The following IFRD1 variants were observed in gnomAD, a reference collection of about 807,000 sequenced individuals.
IFRD1 encodes the protein interferon related developmental regulator 1.
IFRD1 carries 35 observed loss-of-function variants against 52.9 expected under a neutral mutation model. The observed-to-expected ratio is 0.66, with a 90% CI of 0.51 to 0.88. IFRD1 has a LOEUF of 0.88. Ranked by LOEUF, IFRD1 falls within the 40% of genes least tolerant of loss-of-function variation. The pLI, the probability that IFRD1 is intolerant of heterozygous loss-of-function variation, is 0.00. For synonymous variants in IFRD1, 184 were observed against 188.4 expected (o/e 0.98, Z 0.19); for missense variants, 517 against 550.8 (o/e 0.94, Z 0.61).
At chr7:112,428,347 G>A (rs1466542334) in intron 1 of IFRD1, among the ~76,000 whole-genome samples, 1 of 152,174 alleles carries the variant, frequency 6.6e-6, no homozygotes, top group Non-Finnish European at 1.5e-5. Context: ...TATTCTGAGC[G>A]GCTGGGTGAA....
chr7:112,454,338 G>T (rs571837115), intron 1 of IFRD1, among the ~76,000 whole-genome samples: 1 of 152,032 alleles, frequency 6.6e-6, no homozygotes, highest in African/African-American at 2.4e-5. Flanking sequence ...GATTACAAGC[G>T]CCTGCCACCA....
At position 112,464,910 on chromosome 7, in the gene IFRD1, A is replaced by G. The variant is rs572566949; in HGVS notation, c.906+2532A>G. On this transcript the variant is annotated intron_variant, in intron 8 of 11. Transcript: ENST00000403825. ...CCAAATCTGAAATCACCTAGATTTT[A>G]TACTTCAGAAGCAGCAACTTAGCAT... Among the ~76,000 whole-genome samples, 3 of 152,352 alleles carry G rather than the reference A, an allele frequency of 2.0e-5. No individual in the cohort carries two copies. In the South Asian group the frequency reaches 6.2e-4, roughly 32 times the overall value.
At chr7:112,467,925 TGAGGTCA>T (rs141534327) in intron 8 of IFRD1, 49 bp from the exon 9 acceptor site, 3 of 1,512,986 alleles carry the variant, frequency 2.0e-6, no homozygotes, top group South Asian at 1.1e-5. Flanking sequence ...TAGCTCTATA[TGAGGTCA>T]GAAAAGAAAA....
intron 1 of IFRD1, among the ~76,000 whole-genome samples, chr7:112,430,847 G>A (rs1794531419): frequency 6.6e-6 from 1 of 152,256 alleles, no homozygotes; most frequent in South Asian, 2.1e-4. Context: ...TACAGCCTGG[G>A]GCCTGATGTA....
At chr7:112,451,656 C>G (rs1054221840) in intron 1 of IFRD1, among the ~76,000 whole-genome samples, 3 of 152,086 alleles carry the variant, frequency 2.0e-5, no homozygotes, top group African/African-American at 7.2e-5. Flanking sequence ...TGGTTTTCTA[C>G]TTATTATATG....
chr7:112,467,896 A>G (rs1795651024), intron 8 of IFRD1, 85 bp from the exon 9 acceptor site: 1 of 1,285,770 alleles, frequency 7.8e-7, no homozygotes, highest in Non-Finnish European at 1.1e-6. Context: ...ATATTTTCCA[A>G]ATGTAGACTG....
At chr7:112,434,518 A>G (rs1794624651) in intron 1 of IFRD1, among the ~76,000 whole-genome samples, 1 of 152,246 alleles carries the variant, frequency 6.6e-6, no homozygotes, top group South Asian at 2.1e-4. Flanking sequence ...CACATTTTTA[A>G]TATGTCTACT....
chr7:112,455,562 T>C (rs1449681864), intron 1 of IFRD1, among the ~76,000 whole-genome samples: 2 of 152,180 alleles, frequency 1.3e-5, no homozygotes, highest in African/African-American at 2.4e-5. Flanking sequence ...TGATGTATCA[T>C]TGGTCCTTTG....
In IFRD1 at chr7:112,438,408, AG is replaced by A. The variant is rs570438438; in HGVS notation, c.-181-12095del. Among the ~76,000 whole-genome samples, 74 of 152,320 alleles carry A rather than the reference AG, an allele frequency of 4.9e-4. No homozygotes were observed. The East Asian group carries it at 0.014, about 29-fold the overall frequency. ...TGCATACCTTTGAGGAGAAAAATAC[AG>A]GGGGTGAGGAGAGAGGTAGATCAAG... On this transcript the variant is annotated intron_variant, in intron 1 of 12. Transcript: ENST00000005558.
In IFRD1 at chr7:112,475,867, C is replaced by G. The variant is rs1795888558; in HGVS notation, c.*348C>G. The stretch of plus-strand genomic sequence containing the variant: ...GATTTACTATAATGATATATACATG[C>G]AAGATATTTAACTTAATATCTTAGA... On this transcript the variant is annotated 3_prime_UTR_variant, in exon 12 of 12. Transcript: ENST00000403825. The G allele has an allele frequency of 5.1e-6, 1 of 196,154 alleles. No homozygotes were observed. Among genetic ancestry groups the G allele is most frequent in the African/African-American group, 2.4e-5 (1 of 42,048 alleles). The allele number at this position is 196,154 out of a possible 1,614,324, so 12.2% of individuals were successfully genotyped here.
intron 1 of IFRD1, among the ~76,000 whole-genome samples, chr7:112,453,630 C>G (rs1795218625): frequency 2.0e-5 from 3 of 152,100 alleles, no homozygotes; most frequent in Admixed American, 6.5e-5. Flanking sequence ...CATCTGTTGC[C>G]ATTACTTCAG....
chr7:112,440,111 G>C (rs558235026), intron 1 of IFRD1, among the ~76,000 whole-genome samples: 59 of 152,152 alleles, frequency 3.9e-4, no homozygotes, highest in African/African-American at 1.4e-3. Flanking sequence ...TCAGCCTCCA[G>C]AGTAGCTGGG....
chr7:112,454,283 A>C (rs1375306256), intron 1 of IFRD1, among the ~76,000 whole-genome samples: 1 of 151,768 alleles, frequency 6.6e-6, no homozygotes, highest in Non-Finnish European at 1.5e-5. Context: ...AGTCTGTGCC[A>C]CCTGGGTTCA....
At chr7:112,450,450 C>T (rs964905368), upstream of IFRD1, 8 of 567,896 alleles carry the variant, frequency 1.4e-5, no homozygotes, top group East Asian at 9.0e-5. Context: ...GTCGTGGCCT[C>T]CCCTGCCCCG....
rs1214120234 is a variant in IFRD1 at position 112,477,190 on chromosome 7, G to A, written c.*1671G>A. On this transcript the variant is annotated 3_prime_UTR_variant, in exon 12 of 12. Transcript: ENST00000403825. ...ATAAATAATGAATTTTTATTAAAGT[G>A]TTGTATGAACATAGGTTTTTGTTTG... 6.6e-6 allele frequency: 1 copy of A among 152,160 alleles called. No homozygotes were observed. The highest frequency in any genetic ancestry group is 2.4e-5 in the African/African-American group (1 of 41,424). 9.4% of individuals were successfully genotyped at this position (152,160 alleles called of 1,614,324 possible). A position where few individuals can be genotyped will look rare whatever the true frequency, so the allele number is the denominator to read the frequency against.
In IFRD1 at chr7:112,476,665, G is replaced by A. The variant is rs937313647; in HGVS notation, c.*1146G>A. 1 of 152,076 alleles carries A rather than the reference G, an allele frequency of 6.6e-6. No homozygotes were observed. The highest frequency in any genetic ancestry group is 2.4e-5 in the African/African-American group (1 of 41,410). 9.4% of individuals were successfully genotyped at this position (152,076 alleles called of 1,614,324 possible). ...CTTGTCTCAAAAGCAAAACAAAAAAGAATATTGCTGCTTGTTTGCCCATGA... is the reference window on the plus strand; with the variant it reads ...CTTGTCTCAAAAGCAAAACAAAAAAAAATATTGCTGCTTGTTTGCCCATGA... On this transcript the variant is annotated 3_prime_UTR_variant, in exon 12 of 12. Coordinates refer to ENST00000403825, the MANE Select transcript of IFRD1 (RefSeq NM_001550.4).
In IFRD1 at chr7:112,472,813, G is replaced by A; in HGVS notation, c.1218G>A (p.Met406Ile). The change falls in exon 11 of 12, where the codon ATG becomes ATA. Residue 406 changes from methionine (M) to isoleucine (I), a missense_variant. Met to Ile is a conservative substitution (Grantham distance 10). Coordinates refer to ENST00000403825, the MANE Select transcript of IFRD1 (RefSeq NM_001550.4). ...TATTTGAACTTGGACCCCCAGTGAT[G>A]CTTGATGCTGCAACGCTTAAAACGA... ...RNVFELGPPVMLDAATLKTMK... is the reference protein window; with the variant it reads ...RNVFELGPPVILDAATLKTMK... 1 of 1,613,670 alleles carries A rather than the reference G, an allele frequency of 6.2e-7. No individual in the cohort carries two copies. Among genetic ancestry groups the A allele is most frequent in the Non-Finnish European group, 8.5e-7 (1 of 1,179,578 alleles).
At position 112,476,155 on chromosome 7, in the gene IFRD1, A is replaced by AT. The variant is rs933468733; in HGVS notation, c.*640dup. On this transcript the variant is annotated 3_prime_UTR_variant, in exon 12 of 12. Coordinates refer to ENST00000403825, the MANE Select transcript of IFRD1 (RefSeq NM_001550.4). Reference sequence around the variant, plus strand: ...TTATCTGCTGTATGAGACTTTGTGCATTTTACTTTGAAATAAAGATTTTTT... The same window carrying AT: ...TTATCTGCTGTATGAGACTTTGTGCATTTTTACTTTGAAATAAAGATTTTTT... 3.0e-4 allele frequency: 46 copies of AT among 152,316 alleles called. No homozygotes were observed. Among genetic ancestry groups the AT allele is most frequent in the African/African-American group, 1.1e-3 (46 of 41,562 alleles). 9.4% of individuals were successfully genotyped at this position (152,316 alleles called of 1,614,324 possible). A position where few individuals can be genotyped will look rare whatever the true frequency, so the allele number is the denominator to read the frequency against.
upstream of IFRD1, among the ~76,000 whole-genome samples, chr7:112,448,835 A>C (rs1795086295): frequency 6.6e-6 from 1 of 152,228 alleles, no homozygotes; most frequent in African/African-American, 2.4e-5. Flanking sequence ...ACGGTGGATA[A>C]AATTTCTTAA....
Sources: gnomAD v4.1 joint callset for allele counts (sites outside exome capture counted in the v4.1 genomes callset) on GRCh38, gnomAD v4.1.1 for gene constraint, MANE v1.5 for transcripts, NCBI Gene and HGNC (gene_info 2026-07-23, HGNC 2026-07-21) for gene names.